NUDCD1: variants seen among roughly 807,000 people sequenced by gnomAD.
NUDCD1 encodes NudC domain containing 1, also known as nudC domain-containing protein 1.
Under a neutral mutation model 67.8 loss-of-function variants are expected in NUDCD1, and 60 were observed. That is an observed-to-expected ratio of 0.88 (90% CI 0.72 to 1.10). The LOEUF is 1.10. Among genes scored for constraint, NUDCD1 ranks in the 50% least tolerant of loss-of-function variants. The pLI is 0.00. For missense variants in NUDCD1, 643 were observed against 695.0 expected (o/e 0.93, Z 0.84); for synonymous variants, 244 against 230.8 (o/e 1.06, Z -0.52).
intron 1 of NUDCD1, among the ~76,000 whole-genome samples, chr8:109,333,656 G>T (rs1362852732): frequency 2.6e-5 from 4 of 152,166 alleles, no homozygotes; most frequent in African/African-American, 9.7e-5. Flanking sequence ...GACCTCAGAG[G>T]CTGGGCTGCT....
intron 5 of NUDCD1, among the ~76,000 whole-genome samples, chr8:109,285,246 C>T (rs557585795): frequency 5.9e-5 from 9 of 151,470 alleles, no homozygotes; most frequent in East Asian, 1.9e-4. Flanking sequence ...AAGGAAAAGC[C>T]GGTACCAATT....
intron 8 of NUDCD1, among the ~76,000 whole-genome samples, chr8:109,266,339 C>T (rs1023336761): frequency 6.6e-6 from 1 of 151,316 alleles, no homozygotes; most frequent in Non-Finnish European, 1.5e-5. Flanking sequence ...CATTTTCCTG[C>T]CTCAGCCTCC....
intron 5 of NUDCD1, among the ~76,000 whole-genome samples, chr8:109,283,106 C>T (rs577278384): frequency 6.6e-6 from 1 of 152,198 alleles, no homozygotes; most frequent in East Asian, 1.9e-4. Flanking sequence ...GAAATCAGTA[C>T]AAACTTCTGG....
chr8:109,264,431 C>T (rs1813944598), intron 8 of NUDCD1, among the ~76,000 whole-genome samples: 1 of 152,098 alleles, frequency 6.6e-6, no homozygotes, highest in African/African-American at 2.4e-5. Flanking sequence ...TTAACAAATG[C>T]TTATGTGTGT....
At chr8:109,296,592 A>G (rs758247427) in intron 2 of NUDCD1, 23 bp from the exon 3 acceptor site, 2 of 1,495,564 alleles carry the variant, frequency 1.3e-6, no homozygotes, top group African/African-American at 1.4e-5. Context: ...AACATTATAC[A>G]TTAATCTCTT....
At chr8:109,258,696 G>GA (rs999904402) in intron 8 of NUDCD1, among the ~76,000 whole-genome samples, 3 of 150,244 alleles carry the variant, frequency 2.0e-5, no homozygotes, top group East Asian at 1.9e-4. Context: ...CAGATTCTAA[G>GA]AAAAAAAAAG....
chr8:109,322,231 T>G (rs1355657562), intron 2 of NUDCD1, 78 bp downstream of exon 2: 18 of 734,102 alleles, frequency 2.5e-5, no homozygotes, highest in Admixed American at 7.6e-5. Context: ...GGATATTAGA[T>G]TCAAAAGGGA....
intron 8 of NUDCD1, among the ~76,000 whole-genome samples, chr8:109,249,688 G>A (rs1291811878): frequency 2.0e-5 from 3 of 152,090 alleles, no homozygotes; most frequent in Non-Finnish European, 4.4e-5. Context: ...TTTCAAATAA[G>A]ATTTGGATTT....
At chr8:109,306,027 C>T (rs537791046) in intron 2 of NUDCD1, among the ~76,000 whole-genome samples, 24 of 152,160 alleles carry the variant, frequency 1.6e-4, no homozygotes, top group Admixed American at 3.9e-4. Context: ...GGGCTTTATG[C>T]AGTCACTCTC....
chr8:109,271,723 A>G (rs1184760826), intron 7 of NUDCD1, among the ~76,000 whole-genome samples: 1 of 152,166 alleles, frequency 6.6e-6, no homozygotes, highest in African/African-American at 2.4e-5. Flanking sequence ...CAAAAACCAC[A>G]GTAAGTCACA....
chr8:109,257,164 A>C (rs974391075), intron 8 of NUDCD1, among the ~76,000 whole-genome samples: 1 of 152,130 alleles, frequency 6.6e-6, no homozygotes, highest in Non-Finnish European at 1.5e-5. Flanking sequence ...ATAAGGTAAG[A>C]AAAAGAAATA....
intron 8 of NUDCD1, among the ~76,000 whole-genome samples, chr8:109,250,523 T>C (rs537760016): frequency 3.5e-4 from 54 of 152,308 alleles, no homozygotes; most frequent in Middle Eastern, 3.4e-3. Context: ...CCCAGCATTA[T>C]GCTTAACAGG....
intron 8 of NUDCD1, among the ~76,000 whole-genome samples, chr8:109,248,669 A>G (rs1316100561): frequency 6.6e-6 from 1 of 150,872 alleles, no homozygotes; most frequent in East Asian, 2.0e-4. Context: ...ACTTCCAGAA[A>G]TGTTAGTTTC....
chr8:109,245,278 G>A (rs769569356), intron 9 of NUDCD1, 44 bp downstream of exon 9: 2 of 1,552,422 alleles, frequency 1.3e-6, no homozygotes, highest in Non-Finnish European at 1.8e-6. Flanking sequence ...AATGATGACT[G>A]TATTTCTGAT....
intron 6 of NUDCD1, 33 bp downstream of exon 6, chr8:109,280,935 A>AT (rs1437140597): frequency 9.7e-7 from 1 of 1,027,528 alleles, no homozygotes; most frequent in Non-Finnish European, 1.4e-6. Context: ...AAAAAAGATA[A>AT]TAGAATATTA....
At chr8:109,305,342 T>G (rs979269725) in intron 2 of NUDCD1, among the ~76,000 whole-genome samples, 2 of 152,164 alleles carry the variant, frequency 1.3e-5, no homozygotes, top group African/African-American at 4.8e-5. Flanking sequence ...CAGTTTGGCC[T>G]TCCCACCTCT....
At chr8:109,264,761 T>C (rs1020364935) in intron 8 of NUDCD1, among the ~76,000 whole-genome samples, 2 of 151,990 alleles carry the variant, frequency 1.3e-5, no homozygotes, top group Admixed American at 6.6e-5. Flanking sequence ...TTGCAAGAGA[T>C]TGAATGCAGA....
At chr8:109,296,149 T>C (rs1009331426) in intron 3 of NUDCD1, among the ~76,000 whole-genome samples, 4 of 152,160 alleles carry the variant, frequency 2.6e-5, no homozygotes, top group Non-Finnish European at 5.9e-5. Context: ...TGCTGAAAAA[T>C]GAATGCAATT....
At chr8:109,311,879 C>T (rs1260186272) in intron 2 of NUDCD1, among the ~76,000 whole-genome samples, 1 of 151,894 alleles carries the variant, frequency 6.6e-6, no homozygotes, top group East Asian at 1.9e-4. Context: ...CACAAATCAC[C>T]GTTAAAGAAC....
Sources: gnomAD v4.1 joint callset for allele counts (sites outside exome capture counted in the v4.1 genomes callset) on GRCh38, gnomAD v4.1.1 for gene constraint, MANE v1.5 for transcripts, NCBI Gene and HGNC (gene_info 2026-07-23, HGNC 2026-07-21) for gene names.